BFSP1: variants seen among roughly 807,000 people sequenced by gnomAD.
BFSP1 encodes filensin.
A neutral mutation model predicts 43.9 loss-of-function variants in BFSP1; 38 were observed. The ratio of observed to expected loss-of-function variants is 0.87; its 90% CI spans 0.67 to 1.14. The LOEUF (loss-of-function observed/expected upper bound fraction) is 1.14. BFSP1 is among the 50% of genes most tolerant of loss of function. The pLI, the probability that BFSP1 is intolerant of heterozygous loss-of-function variation, is 0.00. For missense variants in BFSP1, 850 were observed against 875.1 expected (o/e 0.97, Z 0.36); for synonymous variants, 352 against 354.8 (o/e 0.99, Z 0.09).
At chr20:17,499,301 G>A (rs938357587) in intron 5 of BFSP1, among the ~76,000 whole-genome samples, 1 of 149,822 alleles carries the variant, frequency 6.7e-6, no homozygotes, top group Non-Finnish European at 1.5e-5. Context: ...TGGAATGCAG[G>A]AGTGCAATCT....
chr20:17,497,459 T>TACATAC (rs1555800561), intron 6 of BFSP1, among the ~76,000 whole-genome samples: 8 of 144,932 alleles, frequency 5.5e-5, no homozygotes, highest in African/African-American at 2.1e-4. Context: ...TATATATATA[T>TACATAC]ACACACACAC....
chr20:17,539,517 C>G (rs997269224), intron 1 of BFSP1, among the ~76,000 whole-genome samples: 1 of 151,986 alleles, frequency 6.6e-6, no homozygotes, highest in Non-Finnish European at 1.5e-5. Flanking sequence ...GAGGCTGAGG[C>G]AGGTGGATTG....
intron 3 of BFSP1, 71 bp downstream of exon 3, chr20:17,514,650 G>T: frequency 6.8e-7 from 1 of 1,464,172 alleles, no homozygotes; most frequent in Non-Finnish European, 9.5e-7. Flanking sequence ...TTCAGCCACA[G>T]TACCCTCGGC....
chr20:17,519,603 G>A (rs76731532), intron 2 of BFSP1, among the ~76,000 whole-genome samples: 7,474 of 152,236 alleles, frequency 0.049, 238 homozygotes, highest in African/African-American at 0.088. Flanking sequence ...TCCATCCTTC[G>A]AGGTGCCTGT....
Position 17,531,243 on chromosome 20 carries a change from G to A in BFSP1, c.87C>T (p.Arg29=), listed in dbSNP as rs780922338. Residue 29 remains arginine, a synonymous_variant, in exon 1 of 8, where the codon CGC becomes CGT. Transcript: ENST00000377873. ...CCCCAGCCCAGCCCTCGTCGGCCGG[G>A]CGCTCGGGCTCGGCGGCGCGCGAAG... ...DEASRAAEPE[R]PADEGWAGAT... is the part of the protein sequence containing the mutation. 4.2e-6 allele frequency: 6 copies of A among 1,413,130 alleles called. No homozygotes were observed. Among genetic ancestry groups the A allele is most frequent in the Non-Finnish European group, 5.5e-6 (6 of 1,083,912 alleles). The allele number at this position is 1,413,130 out of a possible 1,614,324, so 87.5% of individuals were successfully genotyped here.
chr20:17,533,867 G>A (rs1279441657), upstream of BFSP1, among the ~76,000 whole-genome samples: 1 of 152,212 alleles, frequency 6.6e-6, no homozygotes, highest in Non-Finnish European at 1.5e-5. Flanking sequence ...ACAAAGCGTA[G>A]CCTCAGAGTT....
chr20:17,499,621 AC>A (rs1251543449), intron 5 of BFSP1, among the ~76,000 whole-genome samples: 4 of 151,990 alleles, frequency 2.6e-5, no homozygotes. Context: ...CTGAAGACAA[AC>A]CTAGAAAATA....
intron 7 of BFSP1, among the ~76,000 whole-genome samples, chr20:17,496,114 C>T (rs2033625120): frequency 6.6e-6 from 1 of 152,206 alleles, no homozygotes; most frequent in African/African-American, 2.4e-5. Flanking sequence ...ACAGCATTAG[C>T]AGAGCATTCA....
upstream of BFSP1, among the ~76,000 whole-genome samples, chr20:17,533,817 A>C (rs2034587723): frequency 6.6e-6 from 1 of 152,214 alleles, no homozygotes; most frequent in Non-Finnish European, 1.5e-5. Context: ...AATTCTTTCA[A>C]TTTAATCCAG....
At chr20:17,549,479 CTT>C (rs1432448631) in intron 1 of BFSP1, among the ~76,000 whole-genome samples, 1 of 152,056 alleles carries the variant, frequency 6.6e-6, no homozygotes, top group Non-Finnish European at 1.5e-5. Flanking sequence ...GTGCTTCACA[CTT>C]TGAAACAAGC....
chr20:17,495,102 A>G, intron 7 of BFSP1, 73 bp from the exon 8 acceptor site: 1 of 1,399,392 alleles, frequency 7.1e-7, no homozygotes, highest in Non-Finnish European at 9.8e-7. Context: ...TGGTTGGAAA[A>G]TAGGCTAACT....
intron 2 of BFSP1, among the ~76,000 whole-genome samples, chr20:17,520,623 CCT>C (rs1364306284): frequency 6.6e-6 from 1 of 152,176 alleles, no homozygotes; most frequent in African/African-American, 2.4e-5. Context: ...ATCTCTCCAC[CCT>C]CTCTCTTGCC....
chr20:17,505,858 G>A (rs1005247341), intron 5 of BFSP1, among the ~76,000 whole-genome samples: 3 of 152,178 alleles, frequency 2.0e-5, no homozygotes, highest in Non-Finnish European at 4.4e-5. Context: ...ACCCAGCCAC[G>A]TCTGGGTTTT....
At chr20:17,499,651 G>A (rs2033748434) in intron 5 of BFSP1, among the ~76,000 whole-genome samples, 1 of 152,134 alleles carries the variant, frequency 6.6e-6, no homozygotes, top group Non-Finnish European at 1.5e-5. Flanking sequence ...CCTAGGCCAG[G>A]TGGCTCACAC....
intron 1 of BFSP1, among the ~76,000 whole-genome samples, chr20:17,527,842 T>G (rs2034455191): frequency 6.6e-6 from 1 of 152,254 alleles, no homozygotes; most frequent in African/African-American, 2.4e-5. Flanking sequence ...TGGCTTCAAT[T>G]AACTGTTTTA....
upstream of BFSP1, among the ~76,000 whole-genome samples, chr20:17,531,921 A>T (rs921544186): frequency 1.3e-5 from 2 of 151,864 alleles, no homozygotes; most frequent in East Asian, 3.9e-4. Flanking sequence ...TCTGTATAGC[A>T]GAGGTTCTTA....
intron 1 of BFSP1, among the ~76,000 whole-genome samples, chr20:17,552,285 G>C (rs2034907421): frequency 6.6e-6 from 1 of 152,108 alleles, no homozygotes; most frequent in South Asian, 2.1e-4. Context: ...TTCTAAACAT[G>C]GGGAAGAATA....
At chr20:17,497,051 C>G in intron 6 of BFSP1, 28 bp from the exon 7 acceptor site, 1 of 1,493,744 alleles carries the variant, frequency 6.7e-7, no homozygotes, top group Non-Finnish European at 9.0e-7. Context: ...AAAGAACAAG[C>G]CAAACAGAGG....
upstream of BFSP1, among the ~76,000 whole-genome samples, chr20:17,531,986 A>G (rs2034553701): frequency 6.6e-6 from 1 of 152,212 alleles, no homozygotes; most frequent in African/African-American, 2.4e-5. Flanking sequence ...GGTGTGGCGC[A>G]AGTAATTTCT....
Sources: allele counts gnomAD v4.1 joint callset (sites outside exome capture counted in the v4.1 genomes callset), GRCh38; gene constraint gnomAD v4.1.1; transcripts MANE v1.5; gene names NCBI Gene and HGNC (gene_info 2026-07-23, HGNC 2026-07-21).